EYA4: variants seen among roughly 807,000 people sequenced by gnomAD.
EYA4 encodes the protein protein phosphatase EYA4.
A neutral mutation model predicts 87.9 loss-of-function variants in EYA4; 31 were observed. The ratio of observed to expected loss-of-function variants is 0.35; its 90% confidence interval spans 0.27 to 0.48. EYA4 has a LOEUF of 0.48. Among genes scored for constraint, EYA4 ranks in the 20% least tolerant of loss-of-function variants. The pLI is 0.99. For synonymous variants in EYA4, 263 were observed against 270.6 expected (o/e 0.97, Z 0.28); for missense variants, 678 against 761.4 (o/e 0.89, Z 1.29).
intron 1 of EYA4, among the ~76,000 whole-genome samples, chr6:133,249,119 A>G (rs1774675576): frequency 6.6e-6 from 1 of 152,094 alleles, no homozygotes. Context: ...AGTGGGATGG[A>G]TAGATTTCTT....
intron 2 of EYA4, among the ~76,000 whole-genome samples, chr6:133,288,653 G>T (rs1778258233): frequency 1.3e-5 from 2 of 152,126 alleles, no homozygotes; most frequent in South Asian, 4.1e-4. Flanking sequence ...TTGAGGTGAT[G>T]CTTTTAAGGG....
chr6:133,324,342 G>A (rs1781327117), intron 2 of EYA4, among the ~76,000 whole-genome samples: 1 of 152,018 alleles, frequency 6.6e-6, no homozygotes. Flanking sequence ...CTGTAATTTT[G>A]ACGGAAATGG....
At chr6:133,491,060 A>T (rs1200404744) in intron 13 of EYA4, among the ~76,000 whole-genome samples, 1 of 152,226 alleles carries the variant, frequency 6.6e-6, no homozygotes, top group Non-Finnish European at 1.5e-5. Context: ...GGAATTTTGG[A>T]AACTGTGCAA....
Position 133,273,952 on chromosome 6 carries a change from G to C in EYA4, c.-65-764G>C, listed in dbSNP as rs569340923. On this transcript the variant is annotated intron_variant, in intron 1 of 19. Coordinates refer to ENST00000355286, the MANE Select transcript of EYA4 (RefSeq NM_004100.5). Reference sequence around the variant, plus strand: ...ATGTGTTTTAAAAGAGAGAGCAAGAGAGAGGATTCAGGGTTACTTGGGTTT... The same window carrying C: ...ATGTGTTTTAAAAGAGAGAGCAAGACAGAGGATTCAGGGTTACTTGGGTTT... Among the ~76,000 whole-genome samples, 16 of 152,126 alleles carry C rather than the reference G, an allele frequency of 1.1e-4. No homozygotes were observed. In the South Asian group the frequency reaches 2.9e-3, roughly 28 times the overall value.
rs114961099 is a variant in EYA4, at chr6:133,258,991, A to T, written c.-65-15725A>T. Among the ~76,000 whole-genome samples, 662 of 152,206 alleles carry T rather than the reference A, an allele frequency of 4.3e-3. 4 individuals are homozygous for T. The highest frequency in any genetic ancestry group is 0.015 in the African/African-American group (641 of 41,542). The stretch of plus-strand genomic sequence containing the variant: ...TTTCAGCTAATTGGTTTTCCTTTAC[A>T]TTTTTATTTGGGTATAAATGTGATA... On this transcript the variant is annotated intron_variant, in intron 1 of 19. Coordinates refer to ENST00000355286, the MANE Select transcript of EYA4 (RefSeq NM_004100.5).
chr6:133,475,714 T>G (rs576591564), intron 11 of EYA4, among the ~76,000 whole-genome samples: 1 of 152,200 alleles, frequency 6.6e-6, no homozygotes, highest in East Asian at 1.9e-4. Context: ...ATTACCTGAG[T>G]GAAATTTGGC....
At chr6:133,407,252 T>TG (rs1491580298) in intron 3 of EYA4, among the ~76,000 whole-genome samples, 1 of 6,828 alleles carries the variant, frequency 1.5e-4, no homozygotes, top group Non-Finnish European at 2.0e-3. Context: ...GAGTCTAGGG[T>TG]TTTTTTTTTT....
chr6:133,475,530 G>T (rs1795646719), intron 11 of EYA4, among the ~76,000 whole-genome samples: 1 of 152,066 alleles, frequency 6.6e-6, no homozygotes, highest in Non-Finnish European at 1.5e-5. Flanking sequence ...TTCTTAGGCA[G>T]AACACAGCAG....
At chr6:133,416,348 G>A (rs764843001) in intron 3 of EYA4, among the ~76,000 whole-genome samples, 1 of 152,218 alleles carries the variant, frequency 6.6e-6, no homozygotes, top group East Asian at 1.9e-4. Context: ...GATTTGGTTA[G>A]TGAGGGAAGG....
intron 11 of EYA4, among the ~76,000 whole-genome samples, chr6:133,476,657 A>C (rs889980890): frequency 6.6e-6 from 1 of 152,122 alleles, no homozygotes; most frequent in Admixed American, 6.6e-5. Flanking sequence ...TCCATTGATG[A>C]ACACTTAGGT....
chr6:133,504,502 A>G (rs1245980223), intron 13 of EYA4, among the ~76,000 whole-genome samples: 5 of 152,176 alleles, frequency 3.3e-5, no homozygotes, highest in Non-Finnish European at 7.4e-5. Context: ...CCAGCGTATT[A>G]TTATCTTGTC....
chr6:133,451,489 A>G (rs1793438318), intron 5 of EYA4, among the ~76,000 whole-genome samples: 1 of 152,196 alleles, frequency 6.6e-6, no homozygotes. Context: ...TTCATATACA[A>G]AAATACTTAG....
chr6:133,244,052 A>G (rs1373299308), intron 1 of EYA4, among the ~76,000 whole-genome samples: 1 of 152,248 alleles, frequency 6.6e-6, no homozygotes, highest in Non-Finnish European at 1.5e-5. Context: ...AACCTTTGAC[A>G]GCTACAGCTT....
intron 3 of EYA4, among the ~76,000 whole-genome samples, chr6:133,414,044 T>A (rs552772697): frequency 6.6e-6 from 1 of 152,340 alleles, no homozygotes. Context: ...CTACTGTTAC[T>A]ACTCCAGTTC....
intron 13 of EYA4, among the ~76,000 whole-genome samples, chr6:133,487,716 A>C (rs568169263): frequency 1.5e-3 from 233 of 152,242 alleles, no homozygotes; most frequent in Admixed American, 3.1e-3. Flanking sequence ...GCCCTGAATA[A>C]TCAACAGTAG....
intron 3 of EYA4, among the ~76,000 whole-genome samples, chr6:133,410,235 G>A (rs1477230536): frequency 6.6e-6 from 1 of 152,068 alleles, no homozygotes; most frequent in African/African-American, 2.4e-5. Flanking sequence ...TAAGTAAATG[G>A]TTGGCGTCCT....
intron 6 of EYA4, among the ~76,000 whole-genome samples, chr6:133,458,160 G>A (rs550385796): frequency 3.0e-4 from 45 of 152,122 alleles, no homozygotes; most frequent in Non-Finnish European, 5.7e-4. Context: ...AGATATTTTC[G>A]CAAATTTTTA....
chr6:133,504,438 C>A, intron 13 of EYA4, among the ~76,000 whole-genome samples: 1 of 152,174 alleles, frequency 6.6e-6, no homozygotes, highest in East Asian at 1.9e-4. Context: ...CCTATGAAAT[C>A]CACATAAATC....
chr6:133,450,249 T>A (rs1056639157), intron 5 of EYA4, among the ~76,000 whole-genome samples: 20 of 152,158 alleles, frequency 1.3e-4, no homozygotes, highest in African/African-American at 4.8e-4. Context: ...CCTCCCGAAG[T>A]GCTGGGATTA....
Sources: gnomAD v4.1 joint callset for allele counts (sites outside exome capture counted in the v4.1 genomes callset) on GRCh38, gnomAD v4.1.1 for gene constraint, MANE v1.5 for transcripts, NCBI Gene and HGNC (gene_info 2026-07-23, HGNC 2026-07-21) for gene names.